SNX31: variants seen among roughly 807,000 people sequenced by gnomAD.
The protein encoded by SNX31 is sorting nexin-31.
A neutral mutation model predicts 65.4 loss-of-function variants in SNX31; 58 were observed. The ratio of observed to expected loss-of-function variants is 0.89; its 90% confidence interval spans 0.72 to 1.10. The LOEUF (loss-of-function observed/expected upper bound fraction) is 1.10. SNX31 is among the 50% of genes least tolerant of loss of function. SNX31 has a pLI of 0.00. For missense variants in SNX31, 523 were observed against 529.7 expected, an observed-to-expected ratio of 0.99 and a Z score of 0.12; for synonymous variants, 181 against 190.1, an observed-to-expected ratio of 0.95 and a Z score of 0.39.
intron 1 of SNX31, chr8:100,657,813 G>C: frequency 2.2e-6 from 1 of 455,738 alleles, no homozygotes. Flanking sequence ...AGAGGTTGCA[G>C]TAAGCCAAGA....
intron 2 of SNX31, among the ~76,000 whole-genome samples, chr8:100,643,883 A>G (rs1819441462): frequency 6.6e-6 from 1 of 152,148 alleles, no homozygotes; most frequent in African/African-American, 2.4e-5. Flanking sequence ...ACACAAAAAG[A>G]GGAAGGAGCA....
intron 2 of SNX31, among the ~76,000 whole-genome samples, chr8:100,637,816 C>T (rs1003666124): frequency 2.0e-5 from 3 of 152,148 alleles, no homozygotes; most frequent in Non-Finnish European, 4.4e-5. Context: ...CTGCCTCAGC[C>T]TCCTGAGTAG....
In SNX31 at chr8:100,614,569, G is replaced by C. The variant is rs568449562; in HGVS notation, c.433-1484C>G. ...CAGTAGTCCTAGATTTTAGCTTGCT[G>C]CTGGCCCTTAAAGAGGCCATTGAGG... On this transcript the variant is annotated intron_variant, in intron 5 of 13. Coordinates refer to ENST00000311812, the MANE Select transcript of SNX31 (RefSeq NM_152628.4). This position sits in a 1 kb window ranked among gnomAD's most constrained non-coding sequence, Gnocchi z 5.1. 1.4e-4 allele frequency among the ~76,000 whole-genome samples: 21 copies of C among 152,226 alleles called. No individual in the cohort carries two copies. The highest frequency in any genetic ancestry group is 4.8e-4 in the African/African-American group (20 of 41,540).
intron 4 of SNX31, chr8:100,618,236 C>T: frequency 6.9e-7 from 1 of 1,444,726 alleles, no homozygotes; most frequent in South Asian, 1.3e-5. Flanking sequence ...TAACATGAAG[C>T]TTAAAGAACT....
intron 1 of SNX31, among the ~76,000 whole-genome samples, chr8:100,659,869 GT>G (rs1037680232): frequency 2.0e-5 from 3 of 148,386 alleles, no homozygotes; most frequent in South Asian, 2.2e-4. Context: ...TAGAGCTTTT[GT>G]TTTTTTTTCA....
At chr8:100,574,206 C>G (rs1224208900) in intron 13 of SNX31, among the ~76,000 whole-genome samples, 2 of 152,138 alleles carry the variant, frequency 1.3e-5, no homozygotes, top group African/African-American at 4.8e-5. Context: ...CTTTCAGGGC[C>G]CTGGGATATC....
intron 8 of SNX31, among the ~76,000 whole-genome samples, chr8:100,602,015 A>G (rs1319311244): frequency 6.6e-6 from 1 of 151,956 alleles, no homozygotes; most frequent in Non-Finnish European, 1.5e-5. Context: ...AGCCACACAC[A>G]CTCGGCCTGT....
intron 3 of SNX31, among the ~76,000 whole-genome samples, chr8:100,634,499 T>C (rs958311444): frequency 4.0e-5 from 6 of 150,514 alleles, no homozygotes; most frequent in African/African-American, 1.5e-4. Flanking sequence ...GTAATCCCAG[T>C]ACTTTGGGAA....
intron 4 of SNX31, among the ~76,000 whole-genome samples, chr8:100,624,023 G>A (rs764774304): frequency 1.3e-5 from 2 of 151,872 alleles, no homozygotes; most frequent in Non-Finnish European, 2.9e-5. Flanking sequence ...GGGGATGCGG[G>A]GAGGAAAGAG....
chr8:100,585,025 A>T (rs1200867782), intron 11 of SNX31, among the ~76,000 whole-genome samples: 1 of 151,854 alleles, frequency 6.6e-6, no homozygotes, highest in Non-Finnish European at 1.5e-5. Flanking sequence ...TGCCTGGCCC[A>T]CTTTCTTATT....
At chr8:100,641,906 G>A (rs904671191) in intron 2 of SNX31, among the ~76,000 whole-genome samples, 2 of 151,138 alleles carry the variant, frequency 1.3e-5, no homozygotes, top group African/African-American at 4.9e-5. Flanking sequence ...GTGAAACCCC[G>A]TCTCTACTAA....
chr8:100,615,471 C>G (rs1445866145), intron 5 of SNX31, among the ~76,000 whole-genome samples: 1 of 152,236 alleles, frequency 6.6e-6, no homozygotes, highest in Non-Finnish European at 1.5e-5. Context: ...CCCAAATTCA[C>G]ACAGCCCTTA....
At chr8:100,632,109 G>A (rs912479928) in intron 3 of SNX31, among the ~76,000 whole-genome samples, 4 of 152,142 alleles carry the variant, frequency 2.6e-5, no homozygotes, top group African/African-American at 9.7e-5. Flanking sequence ...TTGACACTGG[G>A]TCTGATTTGA....
chr8:100,599,241 T>G (rs2509761), intron 9 of SNX31, among the ~76,000 whole-genome samples: 51,672 of 152,048 alleles, frequency 0.34, 9,182 homozygotes, highest in Admixed American at 0.42. Context: ...AAATTTATTT[T>G]GTGGAAAAAC....
In SNX31 at chr8:100,576,912, C is replaced by T. The variant is rs1032530664; in HGVS notation, c.1227+107G>A. On this transcript the variant is annotated intron_variant, in intron 13 of 13. Coordinates refer to ENST00000311812, the MANE Select transcript of SNX31 (RefSeq NM_152628.4). The surrounding 1 kb of genome is among the most constrained non-coding windows in gnomAD (Gnocchi z 4.8). Reference sequence around the variant, plus strand: ...TCTACAAAGAGGAGCTTCTGAGAAACATAATTCTGACTTATTATTGAAAGT... The same window carrying T: ...TCTACAAAGAGGAGCTTCTGAGAAATATAATTCTGACTTATTATTGAAAGT... 5 of 929,592 alleles carry T rather than the reference C, an allele frequency of 5.4e-6. No individual in the cohort carries two copies. Among genetic ancestry groups the T allele is most frequent in the Non-Finnish European group, 8.3e-6 (5 of 600,798 alleles). 57.6% of individuals were successfully genotyped at this position (929,592 alleles called of 1,614,324 possible).
chr8:100,659,484 T>C (rs1187632031), intron 1 of SNX31, among the ~76,000 whole-genome samples: 1 of 152,128 alleles, frequency 6.6e-6, no homozygotes, highest in Non-Finnish European at 1.5e-5. Context: ...ATCTAAGATA[T>C]TTGGTTTGAG....
intron 2 of SNX31, among the ~76,000 whole-genome samples, chr8:100,643,287 GAGGCCTTTACAGGCC>G (rs1174684712): frequency 6.6e-6 from 1 of 152,186 alleles, no homozygotes; most frequent in Non-Finnish European, 1.5e-5. Context: ...TTAACATGAA[GAGGCCTTTACAGGCC>G]AGTTGAAAAT....
In SNX31 at chr8:100,594,457, C is replaced by G. The variant is rs1563525768; in HGVS notation, c.978+2182G>C. Among the ~76,000 whole-genome samples the G allele has an allele frequency of 1.3e-5, 2 of 152,072 alleles. No individual in the cohort carries two copies. The highest frequency in any genetic ancestry group is 2.9e-5 in the Non-Finnish European group (2 of 68,008). The stretch of plus-strand genomic sequence containing the variant: ...CTCTCAACACTCAACAGTAAAAAGC[C>G]AAACAATCCAATTCAAAAATGGGTA... On this transcript the variant is annotated intron_variant, in intron 10 of 13. Coordinates refer to ENST00000311812, the MANE Select transcript of SNX31 (RefSeq NM_152628.4). This position sits in a 1 kb window ranked among gnomAD's most constrained non-coding sequence, Gnocchi z 4.0.
rs79158040 is a variant in SNX31, at chr8:100,618,319, T to A, written c.322-589A>T. 9.8e-4 allele frequency: 1,503 copies of A among 1,533,908 alleles called. 11 individuals carry two copies. The African/African-American group carries it at 0.018, about 18-fold the overall frequency. The stretch of plus-strand genomic sequence containing the variant: ...AAAGTCTGCATCCTTAACAGTCTCA[T>A]AATTAACTTGCCCAGTTTTCAGTAT... On this transcript the variant is annotated intron_variant, in intron 4 of 13. Coordinates refer to ENST00000311812, the MANE Select transcript of SNX31 (RefSeq NM_152628.4).
Sources: allele counts gnomAD v4.1 joint callset (sites outside exome capture counted in the v4.1 genomes callset), GRCh38; gene constraint gnomAD v4.1.1; non-coding constraint Gnocchi (gnomAD v3.1); transcripts MANE v1.5; gene names NCBI Gene and HGNC (gene_info 2026-07-23, HGNC 2026-07-21).